Variants in C12orf42 observed in about 807,000 individuals in gnomAD.
C12orf42 encodes uncharacterized protein C12orf42.
In C12orf42, 25 loss-of-function variants were observed where a neutral mutation model predicts 21.6. The ratio of observed to expected loss-of-function variants is 1.16; its 90% CI spans 0.84 to 1.62. The LOEUF is 1.62. C12orf42 is among the 40% of genes most tolerant of loss of function. C12orf42 has a pLI of 0.00. For missense variants in C12orf42, 483 were observed against 459.3 expected, an observed-to-expected ratio of 1.05 and a Z score of -0.47; for synonymous variants, 174 against 175.0, an observed-to-expected ratio of 0.99 and a Z score of 0.05.
chr12:103,445,390 G>A (rs1951514637), intron 2 of C12orf42, among the ~76,000 whole-genome samples: 2 of 151,544 alleles, frequency 1.3e-5, no homozygotes, highest in African/African-American at 4.9e-5. Context: ...GTACAAATTT[G>A]TACTGGTTCT....
At chr12:103,500,001 C>T (rs151327890), upstream of C12orf42, among the ~76,000 whole-genome samples, 118 of 152,310 alleles carry the variant, frequency 7.7e-4, no homozygotes, top group African/African-American at 2.6e-3. Flanking sequence ...ACAAGGTCTT[C>T]CTGCATCAGA....
chr12:103,554,797 A>T, the C12orf42 span, among the ~76,000 whole-genome samples: 1 of 152,136 alleles, frequency 6.6e-6, no homozygotes, highest in Non-Finnish European at 1.5e-5. Flanking sequence ...CACTAGGGGG[A>T]TGCTACTAAA....
At chr12:103,529,707 T>A in the C12orf42 span, among the ~76,000 whole-genome samples, 9 of 152,224 alleles carry the variant, frequency 5.9e-5, no homozygotes, top group Admixed American at 3.3e-4. Flanking sequence ...GATAAATGCA[T>A]TTCCACTGAT....
At chr12:103,402,727 A>G (rs929042817) in intron 2 of C12orf42, among the ~76,000 whole-genome samples, 5 of 152,244 alleles carry the variant, frequency 3.3e-5, no homozygotes, top group Admixed American at 2.0e-4. Flanking sequence ...GACTTGGGTG[A>G]TGGACTAGAG....
the C12orf42 span, among the ~76,000 whole-genome samples, chr12:103,062,670 T>G: frequency 6.6e-6 from 1 of 152,222 alleles, no homozygotes; most frequent in East Asian, 1.9e-4. Context: ...TTTAAAATTT[T>G]TGTTTGAATT....
intron 4 of C12orf42, among the ~76,000 whole-genome samples, chr12:103,329,403 A>C (rs1271115422): frequency 6.6e-6 from 1 of 152,176 alleles, no homozygotes; most frequent in Non-Finnish European, 1.5e-5. Context: ...AAGGAGAGGG[A>C]GAGCATTGGG....
At chr12:103,388,023 A>C (rs1046126929) in intron 3 of C12orf42, among the ~76,000 whole-genome samples, 3 of 152,230 alleles carry the variant, frequency 2.0e-5, no homozygotes, top group African/African-American at 7.2e-5. Flanking sequence ...CTTTTTAGAT[A>C]ATTGCTCAGC....
At chr12:103,315,594 T>A (rs1428042388) in intron 4 of C12orf42, among the ~76,000 whole-genome samples, 3 of 152,104 alleles carry the variant, frequency 2.0e-5, no homozygotes, top group African/African-American at 7.2e-5. Flanking sequence ...TATACATAAT[T>A]GTAATACATG....
At chr12:103,314,566 C>T (rs1288581871) in intron 4 of C12orf42, among the ~76,000 whole-genome samples, 2 of 152,066 alleles carry the variant, frequency 1.3e-5, no homozygotes, top group East Asian at 3.8e-4. Context: ...GTGAGTTTTG[C>T]CTCAAGGAAC....
chr12:103,135,946 ACAT>A, the C12orf42 span, among the ~76,000 whole-genome samples: 1 of 152,172 alleles, frequency 6.6e-6, no homozygotes, highest in Non-Finnish European at 1.5e-5. Flanking sequence ...CCCACAGCTA[ACAT>A]CATACTAAAT....
chr12:103,095,045 G>A, the C12orf42 span, among the ~76,000 whole-genome samples: 1 of 152,136 alleles, frequency 6.6e-6, no homozygotes, highest in African/African-American at 2.4e-5. Flanking sequence ...TTATATCCCA[G>A]AATCAATTGG....
intron 4 of C12orf42, among the ~76,000 whole-genome samples, chr12:103,284,204 T>C (rs964214765): frequency 3.3e-5 from 5 of 152,330 alleles, no homozygotes; most frequent in African/African-American, 1.2e-4. Flanking sequence ...GCTATAGATA[T>C]AAATATCTGG....
chr12:103,294,400 A>AGAAAGAAG (rs2037019144), intron 4 of C12orf42, among the ~76,000 whole-genome samples: 1 of 145,590 alleles, frequency 6.9e-6, no homozygotes, highest in East Asian at 2.0e-4. Context: ...AAAGAAAGAA[A>AGAAAGAAG]GAAAGAAAGA....
intron 3 of C12orf42, among the ~76,000 whole-genome samples, chr12:103,374,140 C>T (rs2045496702): frequency 6.6e-6 from 1 of 152,170 alleles, no homozygotes. Context: ...AATTCTAATT[C>T]AAAGGGAATG....
At chr12:103,421,847 A>G (rs1020835318) in intron 2 of C12orf42, among the ~76,000 whole-genome samples, 2 of 152,216 alleles carry the variant, frequency 1.3e-5, no homozygotes, top group Non-Finnish European at 2.9e-5. Flanking sequence ...ACAACTTTCC[A>G]GAAGGAATGA....
intron 4 of C12orf42, among the ~76,000 whole-genome samples, chr12:103,287,054 A>G (rs2036513220): frequency 1.3e-5 from 2 of 152,202 alleles, no homozygotes; most frequent in Non-Finnish European, 2.9e-5. Flanking sequence ...TCAGGAAACA[A>G]CAGGTGCTGG....
At chr12:103,168,070 A>G in the C12orf42 span, 2 of 455,854 alleles carry the variant, frequency 4.4e-6, no homozygotes, top group African/African-American at 4.0e-5. Flanking sequence ...AGAAATGATT[A>G]CATTATTGTG....
At chr12:103,154,268 G>A in the C12orf42 span, among the ~76,000 whole-genome samples, 1 of 152,074 alleles carries the variant, frequency 6.6e-6, no homozygotes. Flanking sequence ...TTATTCAGCT[G>A]GGTTTTGTTT....
intron 2 of C12orf42, among the ~76,000 whole-genome samples, chr12:103,415,599 T>C (rs921297579): frequency 1.3e-5 from 2 of 152,130 alleles, no homozygotes; most frequent in African/African-American, 4.8e-5. Context: ...CACAGTGCAA[T>C]GAAAATAGAA....
Sources: allele counts gnomAD v4.1 joint callset (sites outside exome capture counted in the v4.1 genomes callset), GRCh38; gene constraint gnomAD v4.1.1; transcripts MANE v1.5; gene names NCBI Gene and HGNC (gene_info 2026-07-23, HGNC 2026-07-21).